MFN2: variants seen among roughly 807,000 people sequenced by gnomAD.
MFN2 encodes mitofusin 2.
A neutral mutation model predicts 87.5 loss-of-function variants in MFN2; 43 were observed. That is an observed-to-expected ratio of 0.49 (90% CI 0.38 to 0.63). The LOEUF is 0.63. Ranked by LOEUF, MFN2 falls within the 30% of genes least tolerant of loss-of-function variation. The probability of loss-of-function intolerance (pLI) is 0.00; values close to 1 mark genes in which losing one functional copy is unlikely to be tolerated. For synonymous variants in MFN2, 337 were observed against 359.9 expected (o/e 0.94, Z 0.72); for missense variants, 743 against 972.8 (o/e 0.76, Z 3.14).
At chr1:11,987,745 T>G (rs1418229728) in intron 2 of MFN2, among the ~76,000 whole-genome samples, 1 of 151,882 alleles carries the variant, frequency 6.6e-6, no homozygotes, top group Non-Finnish European at 1.5e-5. Flanking sequence ...CCCAAGAGTT[T>G]GGGAGCAGCC....
At chr1:11,990,030 T>A (rs1215351698) in intron 3 of MFN2, among the ~76,000 whole-genome samples, 2 of 152,212 alleles carry the variant, frequency 1.3e-5, no homozygotes, top group East Asian at 3.8e-4. Context: ...CTGAGTCTTA[T>A]CTGCCCTTGG....
At chr1:11,991,341 G>A (rs945565671) in intron 3 of MFN2, among the ~76,000 whole-genome samples, 1 of 152,172 alleles carries the variant, frequency 6.6e-6, no homozygotes, top group African/African-American at 2.4e-5. Flanking sequence ...CAGGGTGCTG[G>A]GGCACACAGA....
rs1006353708 is a variant in MFN2 at position 12,007,211 on chromosome 1, C to T, written c.2031C>T (p.Ile677=). 1 of 1,614,108 alleles carries T rather than the reference C, an allele frequency of 6.2e-7. No homozygotes were observed. Among genetic ancestry groups the T allele is most frequent in the Non-Finnish European group, 8.5e-7 (1 of 1,180,032 alleles). Residue 677 remains isoleucine (I), a synonymous_variant, in exon 17 of 19, where the codon ATC becomes ATT. Transcript: ENST00000235329. ...CCAGCGAGAAGCTGCAGCTTGTCAT[C>T]AGCTACACTGGCTCCAACTGCAGCC... ...EHASEKLQLV[I]SYTGSNCSHQ...
intron 6 of MFN2, among the ~76,000 whole-genome samples, chr1:11,998,179 G>A (rs549999599): frequency 4.0e-5 from 6 of 151,528 alleles, no homozygotes; most frequent in South Asian, 2.1e-4. Flanking sequence ...ACTGTGCCCC[G>A]CCTGGTATAT....
intron 2 of MFN2, among the ~76,000 whole-genome samples, chr1:11,984,015 A>G (rs1638278408): frequency 1.3e-5 from 2 of 152,188 alleles, no homozygotes; most frequent in South Asian, 2.1e-4. Flanking sequence ...CAGGCTGGGT[A>G]TTAGTGAGAG....
In MFN2 at chr1:12,004,152, T is replaced by C. The variant is rs959549348; in HGVS notation, c.1287+34T>C. 3 of 1,613,144 alleles carry C rather than the reference T, an allele frequency of 1.9e-6. No individual in the cohort carries two copies. The highest frequency in any genetic ancestry group is 2.5e-6 in the Non-Finnish European group (3 of 1,179,956). Reference sequence around the variant, plus strand: ...TGAGGAGGAGGCATTCTGGGAAGATTTGGACTCCGAGTAGAGTCCAGAAGA... The same window carrying C: ...TGAGGAGGAGGCATTCTGGGAAGATCTGGACTCCGAGTAGAGTCCAGAAGA... On this transcript the variant is annotated intron_variant, in intron 12 of 18. Transcript: ENST00000235329. This position sits in a 1 kb window ranked among gnomAD's most constrained non-coding sequence, Gnocchi z 4.2.
rs1289516265 is a variant in MFN2 at position 12,003,614 on chromosome 1, A to G, written c.1161-378A>G. ...AGGAAGTGGAGGTTGCAGTGAGTGG[A>G]GATCGTGCCATTGCACTCCAGCCTG... On this transcript the variant is annotated intron_variant, in intron 11 of 18. Transcript: ENST00000235329. The surrounding 1 kb of genome is among the most constrained non-coding windows in gnomAD (Gnocchi z 4.1). Among the ~76,000 whole-genome samples, 1 of 151,866 alleles carries G rather than the reference A, an allele frequency of 6.6e-6. No homozygotes were observed. The highest frequency in any genetic ancestry group is 1.5e-5 in the Non-Finnish European group (1 of 67,966).
chr1:12,008,119 G>T (rs1316197965), intron 17 of MFN2, among the ~76,000 whole-genome samples: 1 of 152,162 alleles, frequency 6.6e-6, no homozygotes, highest in African/African-American at 2.4e-5. Flanking sequence ...TCTTAGTACA[G>T]AACAAAATGG....
In MFN2 at chr1:11,996,288, C is replaced by T. The variant is rs373038884; in HGVS notation, c.444C>T (p.Thr148=). 2.3e-4 allele frequency: 373 copies of T among 1,614,008 alleles called. No individual in the cohort carries two copies. Among genetic ancestry groups the T allele is most frequent in the African/African-American group, 3.2e-4 (24 of 74,928 alleles). The change falls in exon 5 of 19, where the codon ACC becomes ACT. Residue 148 remains threonine, a synonymous_variant. Transcript: ENST00000235329. ...GTDGHEAFLL[T]EGSEEKRSAK... is the part of the protein sequence containing the mutation. ...ATGGCCATGAGGCCTTTCTCCTTAC[C>T]GAGGGCTCAGAGGAAAAGAGGAGTG...
chr1:11,996,343 G>A (rs781023238), intron 5 of MFN2, 25 bp downstream of exon 5: 1 of 1,613,634 alleles, frequency 6.2e-7, no homozygotes, highest in South Asian at 1.1e-5. Flanking sequence ...CTGGCTGTCA[G>A]CCCTGTGCCT....
At chr1:11,982,287 G>A (rs746697551) in intron 2 of MFN2, among the ~76,000 whole-genome samples, 173 bp downstream of exon 2, 9 of 152,148 alleles carry the variant, frequency 5.9e-5, no homozygotes, top group Non-Finnish European at 1.2e-4. Context: ...GAAGGATTTC[G>A]CTGGTTGCTT....
chr1:11,987,741 A>G (rs1490734392), intron 2 of MFN2, among the ~76,000 whole-genome samples: 1 of 152,052 alleles, frequency 6.6e-6, no homozygotes, highest in African/African-American at 2.4e-5. Context: ...GGAGCCCAAG[A>G]GTTTGGGAGC....
At chr1:11,988,461 A>G (rs914863345) in intron 2 of MFN2, among the ~76,000 whole-genome samples, 1 of 149,002 alleles carries the variant, frequency 6.7e-6, no homozygotes, top group African/African-American at 2.5e-5. Flanking sequence ...CTTGTCTCGA[A>G]CTCCAAAGTT....
chr1:11,991,470 G>C (rs1178904537), intron 3 of MFN2, among the ~76,000 whole-genome samples: 1 of 152,228 alleles, frequency 6.6e-6, no homozygotes, highest in East Asian at 1.9e-4. Flanking sequence ...CCCCAAGGCA[G>C]TGTAGTGTGT....
At position 11,992,406 on chromosome 1, in the gene MFN2, T is replaced by C. The variant is rs912228939; in HGVS notation, c.176-149T>C. The C allele has an allele frequency of 6.1e-6, 6 of 976,206 alleles. No homozygotes were observed. The African/African-American group carries it at 6.4e-5, about 10-fold the overall frequency. The allele number at this position is 976,206 out of a possible 1,614,324, so 60.5% of individuals were successfully genotyped here. A position where few individuals can be genotyped will look rare whatever the true frequency, so the allele number is the denominator to read the frequency against. The stretch of plus-strand genomic sequence containing the variant: ...TAACCACCACACCGTGGGGCCACCA[T>C]AGAGGATCTGGAGCTCAGCCTGTCG... On this transcript the variant is annotated intron_variant, in intron 3 of 18. Transcript: ENST00000235329.
Position 11,992,583 on chromosome 1 carries a change from C to T in MFN2, c.204C>T (p.Pro68=), listed in dbSNP as rs148399574. 35 of 1,614,160 alleles carry T rather than the reference C, an allele frequency of 2.2e-5. No homozygotes were observed. Among genetic ancestry groups the T allele is most frequent in the Middle Eastern group, 3.3e-4 (2 of 6,062 alleles). ...EDTYRNAELD[P]VTTEEQVLDV... ...CGTACAGGAATGCAGAACTGGACCC[C>T]GTTACCACAGAAGAACAGGTTCTGG... Residue 68 remains proline (P), a synonymous_variant, in exon 4 of 19, where the codon CCC becomes CCT. Coordinates refer to ENST00000235329, the MANE Select transcript of MFN2 (RefSeq NM_014874.4).
chr1:11,980,994 T>C (rs1457093656), intron 1 of MFN2, among the ~76,000 whole-genome samples: 1 of 152,122 alleles, frequency 6.6e-6, no homozygotes, highest in East Asian at 1.9e-4. Context: ...ACAGAAAATG[T>C]TGAATAAATA....
chr1:11,998,936 G>A lies in MFN2; in HGVS notation c.709-52G>A, dbSNP rs368114346. On this transcript the variant is annotated intron_variant, in intron 7 of 18. Transcript: ENST00000235329. The stretch of plus-strand genomic sequence containing the variant: ...AGCACCCCCTGGGCAGGCAGCTGAT[G>A]GGGCCTTGGCTGTCAAGCTCCTGCT... 460 of 1,612,188 alleles carry A rather than the reference G, an allele frequency of 2.9e-4. 1 individual carries two copies. Among genetic ancestry groups the A allele is most frequent in the Admixed American group, 3.7e-4 (22 of 60,020 alleles).
At chr1:11,991,070 C>T (rs1320078943) in intron 3 of MFN2, among the ~76,000 whole-genome samples, 1 of 152,228 alleles carries the variant, frequency 6.6e-6, no homozygotes, top group Non-Finnish European at 1.5e-5. Flanking sequence ...AGCTGAAGCA[C>T]CTGTCTGGTG....
Sources: allele counts gnomAD v4.1 joint callset (sites outside exome capture counted in the v4.1 genomes callset), GRCh38; gene constraint gnomAD v4.1.1; non-coding constraint Gnocchi (gnomAD v3.1); transcripts MANE v1.5; gene names NCBI Gene and HGNC (gene_info 2026-07-23, HGNC 2026-07-21).